Variants in ZNF804A observed in about 807,000 individuals in gnomAD.
ZNF804A encodes zinc finger protein 804A.
In ZNF804A, 2 loss-of-function variants were observed where a neutral mutation model predicts 16.5. The ratio of observed to expected loss-of-function variants is 0.12; its 90% CI spans 0.05 to 0.38. ZNF804A has a LOEUF of 0.38. ZNF804A is among the 10% of genes least tolerant of loss of function. ZNF804A has a pLI of 0.99. For missense variants in ZNF804A, 1,473 were observed against 1,390.7 expected, an observed-to-expected ratio of 1.06 and a Z score of -0.94; for synonymous variants, 534 against 489.6, an observed-to-expected ratio of 1.09 and a Z score of -1.20.
intron 1 of ZNF804A, among the ~76,000 whole-genome samples, chr2:184,708,371 G>A (rs79896103): frequency 0.085 from 12,921 of 152,094 alleles, 662 homozygotes; most frequent in Middle Eastern, 0.13. Flanking sequence ...CAAAGCCAGA[G>A]GTATTACATT....
chr2:184,879,889 G>C (rs189362809), intron 2 of ZNF804A, among the ~76,000 whole-genome samples: 1 of 152,034 alleles, frequency 6.6e-6, no homozygotes, highest in African/African-American at 2.4e-5. Flanking sequence ...TAACATTCTT[G>C]TGGTTCTGAG....
chr2:184,912,730 T>A (rs909729958), intron 2 of ZNF804A, among the ~76,000 whole-genome samples: 1 of 152,116 alleles, frequency 6.6e-6, no homozygotes, highest in Non-Finnish European at 1.5e-5. Context: ...TTCACATGCT[T>A]ACTTACCATT....
At chr2:184,733,009 G>C (rs777703557) in intron 1 of ZNF804A, among the ~76,000 whole-genome samples, 21 of 152,086 alleles carry the variant, frequency 1.4e-4, no homozygotes, top group South Asian at 4.1e-4. Context: ...TTCCAAATCA[G>C]TGTATCTTTT....
chr2:184,723,878 G>C (rs1399522079), intron 1 of ZNF804A, among the ~76,000 whole-genome samples: 1 of 151,582 alleles, frequency 6.6e-6, no homozygotes, highest in Non-Finnish European at 1.5e-5. Flanking sequence ...ACTTAATTAT[G>C]TATTAGAAGG....
At chr2:184,634,772 T>A (rs191077337) in intron 1 of ZNF804A, among the ~76,000 whole-genome samples, 49 of 152,330 alleles carry the variant, frequency 3.2e-4, no homozygotes, top group Middle Eastern at 6.8e-3. Context: ...CCTCCAGAAC[T>A]GTGATGTAAT....
intron 2 of ZNF804A, among the ~76,000 whole-genome samples, chr2:184,927,498 C>A (rs895364305): frequency 6.6e-5 from 10 of 152,200 alleles, no homozygotes; most frequent in Non-Finnish European, 1.3e-4. Context: ...TAGCCACTAC[C>A]TGGCTCCTCT....
intron 1 of ZNF804A, among the ~76,000 whole-genome samples, chr2:184,744,370 C>A (rs1295071548): frequency 6.6e-6 from 1 of 151,818 alleles, no homozygotes; most frequent in African/African-American, 2.4e-5. Flanking sequence ...GAAACCCTAA[C>A]CCCTAAGGTG....
At chr2:184,659,896 C>G (rs1692141115) in intron 1 of ZNF804A, among the ~76,000 whole-genome samples, 1 of 152,132 alleles carries the variant, frequency 6.6e-6, no homozygotes, top group Non-Finnish European at 1.5e-5. Flanking sequence ...CTATATCCAG[C>G]CAAGAGGCAG....
At chr2:184,799,217 C>T (rs1176807508) in intron 1 of ZNF804A, among the ~76,000 whole-genome samples, 1 of 151,940 alleles carries the variant, frequency 6.6e-6, no homozygotes, top group Non-Finnish European at 1.5e-5. Flanking sequence ...ATTCATGATG[C>T]CAGCCTCCAC....
chr2:184,821,855 CA>C (rs1316163990), intron 1 of ZNF804A, among the ~76,000 whole-genome samples: 1 of 152,114 alleles, frequency 6.6e-6, no homozygotes, highest in Non-Finnish European at 1.5e-5. Flanking sequence ...ACCAAAACTA[CA>C]ATGAGATACC....
chr2:184,679,097 T>C (rs1252991547), intron 1 of ZNF804A, among the ~76,000 whole-genome samples: 1 of 152,222 alleles, frequency 6.6e-6, no homozygotes, highest in East Asian at 1.9e-4. Context: ...ATTTGTACTG[T>C]TAATTGGCAA....
chr2:184,652,498 A>C (rs1692002416), intron 1 of ZNF804A, among the ~76,000 whole-genome samples: 1 of 152,178 alleles, frequency 6.6e-6, no homozygotes, highest in Non-Finnish European at 1.5e-5. Context: ...AATATGTTTA[A>C]AACTTTTTTA....
chr2:184,727,821 A>G (rs899714673), intron 1 of ZNF804A, among the ~76,000 whole-genome samples: 6 of 151,744 alleles, frequency 4.0e-5, no homozygotes, highest in African/African-American at 1.2e-4. Context: ...ATGAGTATCT[A>G]CAGTGTGGCA....
chr2:184,772,932 C>CAT (rs1171833873), intron 1 of ZNF804A, among the ~76,000 whole-genome samples: 3 of 146,946 alleles, frequency 2.0e-5, no homozygotes, highest in Admixed American at 6.8e-5. Context: ...ACCCCACACA[C>CAT]ATATATATAC....
intron 1 of ZNF804A, among the ~76,000 whole-genome samples, chr2:184,609,500 C>T (rs567568027): frequency 6.6e-6 from 1 of 152,286 alleles, no homozygotes; most frequent in African/African-American, 2.4e-5. Context: ...ATTGGGCTTC[C>T]ATAACAAATT....
intron 1 of ZNF804A, among the ~76,000 whole-genome samples, chr2:184,786,086 A>G (rs1347427239): frequency 6.6e-6 from 1 of 152,074 alleles, no homozygotes; most frequent in Non-Finnish European, 1.5e-5. Context: ...TCCATGCAAA[A>G]GGACATCATG....
At chr2:184,800,054 A>G (rs777834687) in intron 1 of ZNF804A, among the ~76,000 whole-genome samples, 1 of 151,890 alleles carries the variant, frequency 6.6e-6, no homozygotes, top group Non-Finnish European at 1.5e-5. Context: ...TATCTAAGTT[A>G]TCAGATATGG....
chr2:184,735,119 T>G (rs943055178), intron 1 of ZNF804A, among the ~76,000 whole-genome samples: 5 of 152,172 alleles, frequency 3.3e-5, no homozygotes, highest in Non-Finnish European at 7.4e-5. Context: ...CTAATAATGT[T>G]TGTCTCTTAA....
intron 2 of ZNF804A, among the ~76,000 whole-genome samples, chr2:184,878,514 T>C (rs13411652): frequency 0.14 from 21,113 of 151,970 alleles, 1,578 homozygotes; most frequent in Middle Eastern, 0.24. Context: ...TTATAAGCCA[T>C]CTCCTGGACC....
Sources: gnomAD v4.1 joint callset for allele counts (sites outside exome capture counted in the v4.1 genomes callset) on GRCh38, gnomAD v4.1.1 for gene constraint, MANE v1.5 for transcripts, NCBI Gene and HGNC (gene_info 2026-07-23, HGNC 2026-07-21) for gene names.